The following ACTR3C variants were observed in gnomAD, a reference collection of about 807,000 sequenced individuals.
ACTR3C encodes actin-related protein 3C.
In ACTR3C, 18 loss-of-function variants were observed where a neutral mutation model predicts 26.3. The ratio of observed to expected loss-of-function variants is 0.68; its 90% CI spans 0.47 to 1.01. ACTR3C has a LOEUF of 1.01. ACTR3C is among the 50% of genes least tolerant of loss of function. The pLI is 0.00. For missense variants in ACTR3C, 184 were observed against 250.7 expected (o/e 0.73, Z 1.80); for synonymous variants, 55 against 94.5 (o/e 0.58, Z 2.42).
chr7:149,905,146 A>G, the ACTR3C span, among the ~76,000 whole-genome samples: 1 of 151,618 alleles, frequency 6.6e-6, no homozygotes, highest in African/African-American at 2.4e-5. Flanking sequence ...CTATTCTGAG[A>G]AAAAAAATGA....
chr7:150,162,874 G>A, the ACTR3C span, among the ~76,000 whole-genome samples: 1 of 152,064 alleles, frequency 6.6e-6, no homozygotes, highest in South Asian at 2.1e-4. Flanking sequence ...CTAGTGGGTG[G>A]GGCACTGTGG....
At chr7:150,150,956 T>C in the ACTR3C span, among the ~76,000 whole-genome samples, 1 of 137,916 alleles carries the variant, frequency 7.3e-6, no homozygotes, top group Non-Finnish European at 1.6e-5. Flanking sequence ...ATACTAAATA[T>C]ATTAACATAG....
the ACTR3C span, among the ~76,000 whole-genome samples, chr7:150,162,758 G>T: frequency 1.3e-5 from 2 of 152,180 alleles, no homozygotes; most frequent in Non-Finnish European, 2.9e-5. Context: ...TGACAATAGG[G>T]ATTGTAAAGA....
Position 150,316,549 on chromosome 7 carries a change from G to A in ACTR3C, c.-52+6920C>T, listed in dbSNP as rs556804446. Among the ~76,000 whole-genome samples the A allele has an allele frequency of 2.3e-3, 321 of 142,034 alleles. 2 individuals are homozygous for A. The highest frequency in any genetic ancestry group is 3.8e-3 in the Non-Finnish European group (253 of 66,584). The allele number at this position is 142,034 out of a possible 152,430, so 93.2% of individuals were successfully genotyped here. ...TTGCCAGGCGGGAGTGCAGTGGCGC[G>A]ATCTCAGCTCACTGCAACCTCTGCC... On this transcript the variant is annotated intron_variant, in intron 1 of 7. Transcript: ENST00000683684.
chr7:149,965,151 C>A, the ACTR3C span, among the ~76,000 whole-genome samples: 4 of 149,390 alleles, frequency 2.7e-5, no homozygotes, highest in Non-Finnish European at 5.9e-5. Flanking sequence ...ATTGTTTATT[C>A]TTTTCTCCTT....
At chr7:150,194,066 T>C in the ACTR3C span, among the ~76,000 whole-genome samples, 1 of 149,806 alleles carries the variant, frequency 6.7e-6, no homozygotes, top group Non-Finnish European at 1.5e-5. Context: ...TGAGGATTTG[T>C]CTTTTTTAAA....
the ACTR3C span, among the ~76,000 whole-genome samples, chr7:150,018,358 T>G: frequency 6.7e-6 from 1 of 149,916 alleles, no homozygotes; most frequent in Non-Finnish European, 1.5e-5. Context: ...TTTTTTTTTT[T>G]GGAAAAGAAT....
intron 1 of ACTR3C, among the ~76,000 whole-genome samples, chr7:150,315,530 C>T (rs1253623726): frequency 1.3e-5 from 2 of 152,162 alleles, no homozygotes; most frequent in African/African-American, 2.4e-5. Context: ...ATACATTGTA[C>T]GTTTTATATA....
chr7:150,284,115 C>T (rs1409750784), intron 6 of ACTR3C, among the ~76,000 whole-genome samples: 2 of 152,128 alleles, frequency 1.3e-5, no homozygotes, highest in South Asian at 4.1e-4. Context: ...ATGCATGAAA[C>T]GAAACCAATG....
the ACTR3C span, among the ~76,000 whole-genome samples, chr7:149,884,980 T>C: frequency 2.6e-5 from 4 of 152,138 alleles, no homozygotes; most frequent in African/African-American, 9.7e-5. Context: ...CCTGACACTG[T>C]TGACAATTTG....
chr7:149,983,309 A>C, the ACTR3C span, among the ~76,000 whole-genome samples: 2 of 151,460 alleles, frequency 1.3e-5, no homozygotes, highest in African/African-American at 4.9e-5. Context: ...GCCAACAGGC[A>C]CATAAAAAGA....
chr7:150,302,460 A>C (rs1009484166), intron 1 of ACTR3C, among the ~76,000 whole-genome samples: 3 of 151,952 alleles, frequency 2.0e-5, no homozygotes, highest in African/African-American at 7.3e-5. Flanking sequence ...AAACCAAGAA[A>C]ATGACTAAAA....
In ACTR3C at chr7:150,293,341, C is replaced by G; in HGVS notation, c.124G>C (p.Gly42Arg). ...RTLTGIVIDSGDGVTHVIPVA... is the reference protein window; with the variant it reads ...RTLTGIVIDSRDGVTHVIPVA... ...GGGATAACATGGGTGACTCCATCTC[C>G]GCTGTCAATGACTATCCCCGTTAAT... The change falls in exon 3 of 8, where the codon GGA (glycine) becomes CGA (arginine). Residue 42 changes from glycine to arginine, a missense_variant. Gly to Arg is a moderately radical substitution (Grantham distance 125, BLOSUM62 -2). Coordinates refer to ENST00000683684, the MANE Select transcript of ACTR3C (RefSeq NM_001164458.2). The G allele has an allele frequency of 6.3e-7, 1 of 1,599,750 alleles. No homozygotes were observed. The highest frequency in any genetic ancestry group is 1.1e-5 in the South Asian group (1 of 88,512).
chr7:150,210,899 A>G, the ACTR3C span, among the ~76,000 whole-genome samples: 13 of 144,812 alleles, frequency 9.0e-5, no homozygotes, highest in South Asian at 2.1e-4. Context: ...CTATACCTCA[A>G]TGTACTTACT....
chr7:150,033,083 G>A, the ACTR3C span, among the ~76,000 whole-genome samples: 1 of 152,186 alleles, frequency 6.6e-6, no homozygotes, highest in East Asian at 1.9e-4. Flanking sequence ...AGGTTCTGCT[G>A]TGTGGTGAGC....
At chr7:150,102,863 G>A in the ACTR3C span, among the ~76,000 whole-genome samples, 3 of 151,982 alleles carry the variant, frequency 2.0e-5, no homozygotes, top group Admixed American at 6.6e-5. Context: ...TGGCATGAAC[G>A]CAGACCTGCC....
the ACTR3C span, among the ~76,000 whole-genome samples, chr7:150,151,929 G>C: frequency 7.2e-6 from 1 of 137,952 alleles, no homozygotes; most frequent in African/African-American, 2.5e-5. Context: ...GGATTCCAGC[G>C]TTTATATGTT....
the ACTR3C span, among the ~76,000 whole-genome samples, chr7:150,129,877 A>G: frequency 3.9e-5 from 6 of 152,204 alleles, no homozygotes; most frequent in Non-Finnish European, 8.8e-5. Flanking sequence ...AATAGCCAAA[A>G]CAATTTTAAA....
the ACTR3C span, among the ~76,000 whole-genome samples, chr7:150,208,841 G>C: frequency 2.0e-5 from 3 of 152,150 alleles, no homozygotes; most frequent in African/African-American, 7.2e-5. Context: ...AATTGACCCA[G>C]AGCTGATGCA....
Sources: allele counts gnomAD v4.1 joint callset (sites outside exome capture counted in the v4.1 genomes callset), GRCh38; gene constraint gnomAD v4.1.1; transcripts MANE v1.5; gene names NCBI Gene and HGNC (gene_info 2026-07-23, HGNC 2026-07-21).